RXRG: variants seen among roughly 807,000 people sequenced by gnomAD.
RXRG encodes retinoid X receptor gamma, also known as retinoic acid receptor RXR-gamma.
Under a neutral mutation model 49.2 loss-of-function variants are expected in RXRG, and 19 were observed. The ratio of observed to expected loss-of-function variants is 0.39; its 90% CI spans 0.27 to 0.57. The LOEUF (loss-of-function observed/expected upper bound fraction) is 0.57. Ranked by LOEUF, RXRG falls within the 20% of genes least tolerant of loss-of-function variation. The pLI, the probability that RXRG is intolerant of heterozygous loss-of-function variation, is 0.64. For missense variants in RXRG, 452 were observed against 592.5 expected, an observed-to-expected ratio of 0.76 and a Z score of 2.46; for synonymous variants, 224 against 216.6, an observed-to-expected ratio of 1.03 and a Z score of -0.30.
At chr1:165,426,159 C>T (rs549435162) in intron 2 of RXRG, among the ~76,000 whole-genome samples, 1 of 152,302 alleles carries the variant, frequency 6.6e-6, no homozygotes, top group East Asian at 1.9e-4. Flanking sequence ...CCCTGTGGGG[C>T]TTTTGCTACC....
At chr1:165,421,679 G>C (rs1658320635) in intron 2 of RXRG, among the ~76,000 whole-genome samples, 1 of 152,024 alleles carries the variant, frequency 6.6e-6, no homozygotes, top group Non-Finnish European at 1.5e-5. Context: ...AGAGGAGCAT[G>C]CCACGACACT....
At chr1:165,414,125 G>A (rs758082399) in intron 4 of RXRG, among the ~76,000 whole-genome samples, 14 of 152,164 alleles carry the variant, frequency 9.2e-5, no homozygotes, top group Non-Finnish European at 1.5e-4. Flanking sequence ...TATAGTCAGC[G>A]GAGGAATTGA....
intron 9 of RXRG, among the ~76,000 whole-genome samples, chr1:165,402,960 T>G (rs1381747415): frequency 6.6e-6 from 1 of 151,900 alleles, no homozygotes; most frequent in East Asian, 1.9e-4. Flanking sequence ...CGTGCATGCA[T>G]GCACTCACAC....
chr1:165,415,884 G>C (rs575118150), intron 4 of RXRG, among the ~76,000 whole-genome samples: 2 of 152,276 alleles, frequency 1.3e-5, no homozygotes, highest in East Asian at 3.9e-4. Context: ...CTGAAAGTCA[G>C]AGACCTGGGG....
chr1:165,414,787 A>G (rs1009355180), intron 4 of RXRG, among the ~76,000 whole-genome samples: 4 of 152,206 alleles, frequency 2.6e-5, no homozygotes, highest in East Asian at 1.9e-4. Context: ...AATCTGTAAC[A>G]TCATTGATCC....
At chr1:165,423,706 G>C (rs527615059) in intron 2 of RXRG, among the ~76,000 whole-genome samples, 7 of 151,824 alleles carry the variant, frequency 4.6e-5, no homozygotes, top group Admixed American at 1.3e-4. Flanking sequence ...GTGTTGCTGG[G>C]GGCGGTGGGG....
At chr1:165,428,235 A>G (rs1334085678) in intron 2 of RXRG, among the ~76,000 whole-genome samples, 1 of 152,244 alleles carries the variant, frequency 6.6e-6, no homozygotes, top group East Asian at 1.9e-4. Flanking sequence ...GAGACAGCAT[A>G]GCATGTAATG....
intron 4 of RXRG, among the ~76,000 whole-genome samples, chr1:165,412,494 C>T (rs1254514879): frequency 6.6e-6 from 1 of 152,208 alleles, no homozygotes; most frequent in African/African-American, 2.4e-5. Flanking sequence ...AACTCTACCC[C>T]TTCCTTGCTA....
intron 2 of RXRG, among the ~76,000 whole-genome samples, chr1:165,422,029 G>A (rs77154904): frequency 0.027 from 4,104 of 152,146 alleles, 90 homozygotes; most frequent in Admixed American, 0.063. Flanking sequence ...AGCTGACCAC[G>A]GCTCTGTCCC....
chr1:165,442,601 A>G (rs1261776263), intron 1 of RXRG, among the ~76,000 whole-genome samples: 1 of 152,232 alleles, frequency 6.6e-6, no homozygotes, highest in Non-Finnish European at 1.5e-5. Context: ...TTGTGGATTT[A>G]ATTTTATTTT....
chr1:165,424,702 C>G (rs910331082), intron 2 of RXRG: 3 of 841,170 alleles, frequency 3.6e-6, no homozygotes, highest in Non-Finnish European at 4.3e-6. Context: ...GCCTGCTGCT[C>G]CCACCCCTAG....
At chr1:165,412,493 C>T (rs771658772) in intron 4 of RXRG, among the ~76,000 whole-genome samples, 15 of 152,128 alleles carry the variant, frequency 9.9e-5, no homozygotes, top group Non-Finnish European at 1.5e-4. Flanking sequence ...TAACTCTACC[C>T]CTTCCTTGCT....
intron 3 of RXRG, among the ~76,000 whole-genome samples, chr1:165,419,265 A>T (rs1277745288): frequency 6.6e-6 from 1 of 152,202 alleles, no homozygotes; most frequent in African/African-American, 2.4e-5. Context: ...AAAATATTAA[A>T]GGGTTTATTT....
Position 165,410,831 on chromosome 1 carries a change from T to C in RXRG, c.784A>G (p.Thr262Ala). The C allele has an allele frequency of 6.2e-7, 1 of 1,614,152 alleles. No individual in the cohort carries two copies. The highest frequency in any genetic ancestry group is 8.5e-7 in the Non-Finnish European group (1 of 1,180,012). Reference protein sequence around the residue: ...SYGDMNMENSTNDPVTNICHA... With the variant: ...SYGDMNMENSANDPVTNICHA... ...CATATGTTGGTAACAGGGTCATTTG[T>C]CTGAAAAAGGAACAAAGTACTGTGA... Residue 262 changes from threonine to alanine, a missense_variant and splice_region_variant, in exon 6 of 10, where the codon ACA (threonine) becomes GCA (alanine). Physicochemically the swap from Thr to Ala is moderately conservative, Grantham distance 58. Transcript: ENST00000359842.
Position 165,407,399 on chromosome 1 carries a change from C to T in RXRG, c.1139-482G>A, listed in dbSNP as rs558769677. 3.3e-5 allele frequency among the ~76,000 whole-genome samples: 5 copies of T among 152,274 alleles called. No individual in the cohort carries two copies. In the East Asian group the frequency reaches 9.7e-4, roughly 29 times the overall value. On this transcript the variant is annotated intron_variant, in intron 8 of 9. Transcript: ENST00000359842. ...CACAGCAGGGTTTGCTGGAGCTGAT[C>T]GCCTCCTTCTTGAAAGACTATTTTC...
rs1289675401 is a variant in RXRG at position 165,409,584 on chromosome 1, A to C, written c.1020T>G (p.Ser340Arg). The change falls in exon 7 of 10, where the codon AGT becomes AGG. Residue 340 changes from serine to arginine, a missense_variant. Around this residue, in one of 2 missense-constraint regions of RXRG, gnomAD observed 286 missense variants for 440.9 expected, o/e 0.65. Coordinates refer to ENST00000359842, the MANE Select transcript of RXRG (RefSeq NM_006917.5). ...TGTCAAAGATGGAGCCGACCCCAGC[A>C]CTGTGGGCACTGCTCCGGTGGACAT... ...GLHVHRSSAH[S>R]AGVGSIFDRV... 1.3e-6 allele frequency: 2 copies of C among 1,549,116 alleles called. No homozygotes were observed. Among genetic ancestry groups the C allele is most frequent in the Admixed American group, 4.0e-5 (2 of 50,446 alleles).
At chr1:165,423,705 G>A (rs988915655) in intron 2 of RXRG, among the ~76,000 whole-genome samples, 1 of 151,822 alleles carries the variant, frequency 6.6e-6, no homozygotes, top group African/African-American at 2.4e-5. Flanking sequence ...TGTGTTGCTG[G>A]GGGCGGTGGG....
intron 2 of RXRG, among the ~76,000 whole-genome samples, chr1:165,423,745 C>T (rs1658397698): frequency 6.6e-6 from 1 of 152,082 alleles, no homozygotes; most frequent in African/African-American, 2.4e-5. Context: ...AGTCTTTTGT[C>T]CCTGGCTCAA....
chr1:165,419,022 A>G (rs1658225020), intron 3 of RXRG, among the ~76,000 whole-genome samples: 1 of 152,248 alleles, frequency 6.6e-6, no homozygotes, highest in Non-Finnish European at 1.5e-5. Context: ...AGCTATAGAA[A>G]AGAGAATAAC....
Sources: gnomAD v4.1 joint callset for allele counts (sites outside exome capture counted in the v4.1 genomes callset) on GRCh38, gnomAD v4.1.1 for gene constraint, gnomAD v4.1.1 regional missense constraint, MANE v1.5 for transcripts, NCBI Gene and HGNC (gene_info 2026-07-23, HGNC 2026-07-21) for gene names.